Variants in MTUS2 observed in about 807,000 individuals in gnomAD.
MTUS2 encodes the protein microtubule associated scaffold protein 2.
MTUS2 carries 40 observed loss-of-function variants against 114.1 expected under a neutral mutation model. The observed-to-expected ratio is 0.35, with a 90% CI of 0.27 to 0.46. The LOEUF (loss-of-function observed/expected upper bound fraction) is 0.46, where lower values mean the gene tolerates loss of function less well. MTUS2 is among the 20% of genes least tolerant of loss of function. The pLI is 1.00. For synonymous variants in MTUS2, 688 were observed against 672.0 expected, an observed-to-expected ratio of 1.02 and a Z score of -0.37; for missense variants, 1,679 against 1,705.4, an observed-to-expected ratio of 0.98 and a Z score of 0.27.
In MTUS2 at chr13:29,025,434, C is replaced by A. The variant is rs1361001397; in HGVS notation, c.736C>A (p.Pro246Thr). ...GGGAAAGAGTGTGCGTCATCCTAAACCATCTACCTCAGAAAGCAAGCAGAG... is the reference window on the plus strand; with the variant it reads ...GGGAAAGAGTGTGCGTCATCCTAAAACATCTACCTCAGAAAGCAAGCAGAG... Reference protein sequence around the residue: ...SEGKSVRHPKPSTSESKQSTP... With the variant: ...SEGKSVRHPKTSTSESKQSTP... The change falls in exon 3 of 16, where the codon CCA becomes ACA. Residue 246 changes from proline to threonine, a missense_variant. Coordinates refer to ENST00000612955, the MANE Select transcript of MTUS2 (RefSeq NM_001033602.4). The A allele has an allele frequency of 2.5e-6, 4 of 1,612,184 alleles. No individual in the cohort carries two copies. The highest frequency in any genetic ancestry group is 3.4e-6 in the Non-Finnish European group (4 of 1,179,196).
chr13:29,441,957 C>T (rs1309481486), intron 9 of MTUS2, among the ~76,000 whole-genome samples: 1 of 152,208 alleles, frequency 6.6e-6, no homozygotes, highest in Admixed American at 6.5e-5. Context: ...CACTCACCGG[C>T]TTTAGGGCCT....
At chr13:28,902,011 T>C (rs3001953) in intron 2 of MTUS2, among the ~76,000 whole-genome samples, 19,394 of 152,204 alleles carry the variant, frequency 0.13, 1,489 homozygotes, top group African/African-American at 0.2. Flanking sequence ...ATTTCTTTTA[T>C]CAGAATTTAA....
intron 7 of MTUS2, among the ~76,000 whole-genome samples, chr13:29,327,939 A>G (rs2138039957): frequency 6.6e-6 from 1 of 152,314 alleles, no homozygotes; most frequent in Middle Eastern, 3.4e-3. Flanking sequence ...TAGGTGTGTC[A>G]TGATACCTCA....
intron 8 of MTUS2, among the ~76,000 whole-genome samples, chr13:29,432,541 A>G (rs1877082036): frequency 6.6e-6 from 1 of 152,226 alleles, no homozygotes; most frequent in Admixed American, 6.5e-5. Flanking sequence ...AGCTCATAAG[A>G]AGCCTTGATG....
intron 9 of MTUS2, among the ~76,000 whole-genome samples, chr13:29,444,660 G>A (rs2138704978): frequency 6.6e-6 from 1 of 152,352 alleles, no homozygotes; most frequent in East Asian, 1.9e-4. Flanking sequence ...ATTTGGGCCA[G>A]GGACAGGGTT....
In MTUS2 at chr13:29,067,936, A is replaced by T. The variant is rs369428313; in HGVS notation, c.2447-32837A>T. On this transcript the variant is annotated intron_variant, in intron 4 of 15. Transcript: ENST00000612955. ...CAGAGTGGGCAAAGATTCCTGTGAGAAGAATAAAAACAATTAATTGATTGG... is the reference window on the plus strand; with the variant it reads ...CAGAGTGGGCAAAGATTCCTGTGAGTAGAATAAAAACAATTAATTGATTGG... Among the ~76,000 whole-genome samples, 73 of 130,416 alleles carry T rather than the reference A, an allele frequency of 5.6e-4. No homozygotes were observed. In the South Asian group the frequency reaches 0.016, roughly 28 times the overall value. 85.6% of individuals were successfully genotyped at this position (130,416 alleles called of 152,430 possible). A position where few individuals can be genotyped will look rare whatever the true frequency, so the allele number is the denominator to read the frequency against.
intron 7 of MTUS2, among the ~76,000 whole-genome samples, chr13:29,331,932 T>C (rs569389851): frequency 6.6e-6 from 1 of 152,328 alleles, no homozygotes; most frequent in Non-Finnish European, 1.5e-5. Context: ...GTGGATAAGC[T>C]TTTTGATGTT....
intron 8 of MTUS2, among the ~76,000 whole-genome samples, chr13:29,368,184 C>T (rs1322357713): frequency 6.6e-6 from 1 of 151,698 alleles, no homozygotes; most frequent in East Asian, 1.9e-4. Flanking sequence ...GTGATCTGCC[C>T]ACCTCGACCT....
rs773036347 is a variant in MTUS2 at position 28,913,843 on chromosome 13, G to T, written c.-243+73993G>T. Among the ~76,000 whole-genome samples, 16 of 152,128 alleles carry T rather than the reference G, an allele frequency of 1.1e-4. No individual in the cohort carries two copies. The East Asian group carries it at 3.1e-3, about 29-fold the overall frequency. On this transcript the variant is annotated intron_variant, in intron 2 of 15. Transcript: ENST00000612955. ...TTCTGTTTCTTCTTGATTCAGTCTTGTGAGGGTGTGTGTGTCTAGAAATTT... is the reference window on the plus strand; with the variant it reads ...TTCTGTTTCTTCTTGATTCAGTCTTTTGAGGGTGTGTGTGTCTAGAAATTT...
intron 7 of MTUS2, among the ~76,000 whole-genome samples, chr13:29,333,637 G>A (rs1900906810): frequency 6.6e-6 from 1 of 152,200 alleles, no homozygotes; most frequent in Non-Finnish European, 1.5e-5. Context: ...TAAGTGTAAT[G>A]TGGTGCTGAG....
intron 2 of MTUS2, among the ~76,000 whole-genome samples, chr13:28,998,683 C>T (rs1020301488): frequency 4.6e-5 from 7 of 152,174 alleles, no homozygotes; most frequent in South Asian, 2.1e-4. Flanking sequence ...TTGATCGCAT[C>T]GGTTACTGAG....
At chr13:29,318,173 T>A (rs540293320) in intron 6 of MTUS2, among the ~76,000 whole-genome samples, 10 of 152,138 alleles carry the variant, frequency 6.6e-5, no homozygotes, top group Non-Finnish European at 1.5e-5. Context: ...CTGTTTCTTA[T>A]CTTTTCTTAC....
intron 8 of MTUS2, among the ~76,000 whole-genome samples, chr13:29,431,424 G>A (rs576426050): frequency 6.6e-6 from 1 of 152,280 alleles, no homozygotes; most frequent in Non-Finnish European, 1.5e-5. Flanking sequence ...CCGATAATTG[G>A]TTTGGTTGTA....
intron 5 of MTUS2, among the ~76,000 whole-genome samples, chr13:29,227,384 A>G (rs1026326222): frequency 6.6e-6 from 1 of 152,172 alleles, no homozygotes; most frequent in Non-Finnish European, 1.5e-5. Context: ...TATTGATTAA[A>G]TATCTCTTTG....
chr13:28,850,917 A>G (rs764008870), intron 2 of MTUS2, among the ~76,000 whole-genome samples: 3 of 152,170 alleles, frequency 2.0e-5, no homozygotes. Context: ...CCTGTTTACC[A>G]TGGTTTCATT....
intron 14 of MTUS2, among the ~76,000 whole-genome samples, chr13:29,500,265 G>A (rs115034418): frequency 0.025 from 3,794 of 152,308 alleles, 154 homozygotes; most frequent in African/African-American, 0.086. Flanking sequence ...GCTAAAGAGC[G>A]GGGACAGAGG....
intron 8 of MTUS2, among the ~76,000 whole-genome samples, chr13:29,391,721 CAT>C (rs908808891): frequency 6.0e-5 from 9 of 150,704 alleles, no homozygotes; most frequent in South Asian, 4.2e-4. Flanking sequence ...AAAAACTAAA[CAT>C]AAATACACAA....
At chr13:29,453,878 A>G (rs1000341460) in intron 9 of MTUS2, among the ~76,000 whole-genome samples, 1 of 152,118 alleles carries the variant, frequency 6.6e-6, no homozygotes, top group East Asian at 1.9e-4. Context: ...GATTTTTTTA[A>G]CATGTGATTT....
chr13:29,363,739 T>G (rs551724195), intron 8 of MTUS2, among the ~76,000 whole-genome samples: 1 of 152,340 alleles, frequency 6.6e-6, no homozygotes, highest in African/African-American at 2.4e-5. Flanking sequence ...TCACATATAT[T>G]AGTAGACAAT....
Sources: allele counts gnomAD v4.1 joint callset (sites outside exome capture counted in the v4.1 genomes callset), GRCh38; gene constraint gnomAD v4.1.1; transcripts MANE v1.5; gene names NCBI Gene and HGNC (gene_info 2026-07-23, HGNC 2026-07-21).